The following EMID1 variants were observed in gnomAD, a reference collection of about 807,000 sequenced individuals.
The protein encoded by EMID1 is EMI domain-containing protein 1.
In EMID1, 40 loss-of-function variants were observed where a neutral mutation model predicts 60.6. The observed-to-expected ratio is 0.66, with a 90% CI of 0.51 to 0.86. EMID1 has a LOEUF of 0.86. Ranked by LOEUF, EMID1 falls within the 40% of genes least tolerant of loss-of-function variation. The pLI is 0.00. For missense variants in EMID1, 585 were observed against 597.1 expected (o/e 0.98, Z 0.21); for synonymous variants, 242 against 231.0 (o/e 1.05, Z -0.43).
At chr22:29,213,450 C>T (rs1282708401) in intron 1 of EMID1, among the ~76,000 whole-genome samples, 1 of 152,206 alleles carries the variant, frequency 6.6e-6, no homozygotes, top group Non-Finnish European at 1.5e-5. Context: ...GTTTCCTCTT[C>T]CAGCACTGAT....
At chr22:29,226,064 C>T (rs2040497010) in intron 4 of EMID1, among the ~76,000 whole-genome samples, 1 of 151,912 alleles carries the variant, frequency 6.6e-6, no homozygotes, top group Non-Finnish European at 1.5e-5. Flanking sequence ...GAGGACAAGT[C>T]ACGCGGGACA....
chr22:29,213,100 G>A (rs1416426921), intron 1 of EMID1, among the ~76,000 whole-genome samples: 3 of 152,134 alleles, frequency 2.0e-5, no homozygotes, highest in Non-Finnish European at 4.4e-5. Flanking sequence ...AATAGTTGAC[G>A]TTCTGTCTCT....
At chr22:29,231,454 C>T (rs2040740324) in intron 6 of EMID1, 139 bp from the exon 7 acceptor site, 7 of 953,758 alleles carry the variant, frequency 7.3e-6, no homozygotes, top group African/African-American at 1.6e-5. Context: ...CCCCCCCACC[C>T]CAGGGCTGCC....
intron 13 of EMID1, among the ~76,000 whole-genome samples, chr22:29,253,029 C>T (rs1427112827): frequency 3.3e-5 from 5 of 152,172 alleles, no homozygotes; most frequent in Non-Finnish European, 5.9e-5. Context: ...CCCCAGCTTA[C>T]GATGGTTCAA....
rs147376553 is a variant in EMID1, at chr22:29,218,195, G to A, written c.319+2565G>A. On this transcript the variant is annotated intron_variant, in intron 3 of 14. Coordinates refer to ENST00000334018, the MANE Select transcript of EMID1 (RefSeq NM_133455.4). ...CCGCCTACCCCATGCTGGGGATTCC[G>A]TGGCGACCTGGCAGACACAGCCCTG... is the stretch of plus-strand genomic sequence containing the variant. 1.3e-3 allele frequency among the ~76,000 whole-genome samples: 200 copies of A among 152,322 alleles called. 2 individuals are homozygous for A. Among genetic ancestry groups the A allele is most frequent in the Middle Eastern group, 6.8e-3 (2 of 294 alleles).
At chr22:29,230,817 G>A (rs1601966169) in intron 5 of EMID1, among the ~76,000 whole-genome samples, 1 of 152,206 alleles carries the variant, frequency 6.6e-6, no homozygotes, top group Non-Finnish European at 1.5e-5. Flanking sequence ...TTTGCCATGT[G>A]TGGTGGTGCA....
chr22:29,218,735 G>C (rs905949146), intron 3 of EMID1, among the ~76,000 whole-genome samples: 1 of 152,244 alleles, frequency 6.6e-6, no homozygotes, highest in Non-Finnish European at 1.5e-5. Flanking sequence ...CCTGACCCCT[G>C]AGTGCCTGGG....
intron 1 of EMID1, among the ~76,000 whole-genome samples, chr22:29,213,608 G>A (rs1423377898): frequency 6.6e-6 from 1 of 152,130 alleles, no homozygotes; most frequent in East Asian, 1.9e-4. Context: ...GTCGGCATGG[G>A]AGTCTCTGTG....
intron 3 of EMID1, among the ~76,000 whole-genome samples, chr22:29,221,354 C>CATTTTGTTTTGTTTT (rs1486331376): frequency 6.6e-6 from 1 of 152,004 alleles, no homozygotes; most frequent in Non-Finnish European, 1.5e-5. Flanking sequence ...AGGGATATGA[C>CATTTTGTTTTGTTTT]ATTTTGTTTT....
chr22:29,242,749 T>C (rs2041196655), intron 12 of EMID1, among the ~76,000 whole-genome samples: 1 of 152,230 alleles, frequency 6.6e-6, no homozygotes, highest in South Asian at 2.1e-4. Context: ...GTTTTGCTCT[T>C]AGTCCTAGGA....
chr22:29,247,563 CGTAA>C (rs1457226340), intron 13 of EMID1, among the ~76,000 whole-genome samples: 5 of 152,174 alleles, frequency 3.3e-5, no homozygotes, highest in African/African-American at 9.7e-5. Flanking sequence ...GCAACACAGT[CGTAA>C]GTATTTGTGT....
rs183747030 is a variant in EMID1 at position 29,208,902 on chromosome 22, C to T, written c.101+2763C>T. Among the ~76,000 whole-genome samples the T allele has an allele frequency of 7.9e-5, 12 of 152,328 alleles. No homozygotes were observed. The South Asian group carries it at 8.3e-4, about 11-fold the overall frequency. On this transcript the variant is annotated intron_variant, in intron 1 of 14. Transcript: ENST00000334018. ...TAAGGGATTTGAGTGAAGCTTCCCC[C>T]GCTGGAGGAAATTCTGCTGTCCCCA...
intron 13 of EMID1, among the ~76,000 whole-genome samples, chr22:29,247,418 A>G (rs1045763494): frequency 2.6e-5 from 4 of 152,222 alleles, no homozygotes; most frequent in African/African-American, 7.2e-5. Flanking sequence ...TTGTTGTGGC[A>G]TGAGCATCAT....
At position 29,237,121 on chromosome 22, in the gene EMID1, C is replaced by T. The variant is rs1281632456; in HGVS notation, c.1074+2772C>T. ...CTATTTTCTATTTGTTTTCCTTGTT[C>T]TTTGTTCCTATTTTTGTCTGCCAGA... On this transcript the variant is annotated intron_variant, in intron 12 of 14. Coordinates refer to ENST00000334018, the MANE Select transcript of EMID1 (RefSeq NM_133455.4). Among the ~76,000 whole-genome samples the T allele has an allele frequency of 1.4e-5, 2 of 146,460 alleles. 1 individual carries two copies. Among genetic ancestry groups the T allele is most frequent in the Non-Finnish European group, 3.0e-5 (2 of 67,304 alleles).
At chr22:29,232,456 C>T in intron 8 of EMID1, 54 bp downstream of exon 8, 3 of 1,482,684 alleles carry the variant, frequency 2.0e-6, no homozygotes, top group Non-Finnish European at 1.8e-6. Context: ...TAGCCATCAG[C>T]ACAGTGCCCG....
In EMID1 at chr22:29,227,409, A is replaced by T. The variant is rs144341011; in HGVS notation, c.465+858A>T. On this transcript the variant is annotated intron_variant, in intron 5 of 14. Coordinates refer to ENST00000334018, the MANE Select transcript of EMID1 (RefSeq NM_133455.4). ...TGCCATAAAACTTTTTTTTTTTTTT[A>T]AATTAAAAAGTACTGCTTGGCGCAG... 3.3e-3 allele frequency among the ~76,000 whole-genome samples: 479 copies of T among 147,094 alleles called. 3 individuals carry two copies. The highest frequency in any genetic ancestry group is 0.011 in the African/African-American group (406 of 38,634).
At chr22:29,240,524 C>T (rs560965997) in intron 12 of EMID1, among the ~76,000 whole-genome samples, 6 of 152,078 alleles carry the variant, frequency 3.9e-5, no homozygotes, top group South Asian at 2.1e-4. Flanking sequence ...TAAAACCCCT[C>T]GTGACTTGGA....
In EMID1 at chr22:29,229,643, CA is replaced by C. The variant is rs34973149; in HGVS notation, c.466-1361del. Among the ~76,000 whole-genome samples, 1,041 of 126,990 alleles carry C rather than the reference CA, an allele frequency of 8.2e-3. 10 individuals are homozygous for C. Among genetic ancestry groups the C allele is most frequent in the Non-Finnish European group, 0.011 (675 of 61,470 alleles). 83.3% of individuals were successfully genotyped at this position (126,990 alleles called of 152,430 possible). On this transcript the variant is annotated intron_variant, in intron 5 of 14. Transcript: ENST00000334018. ...GGGCAACAAGAGCAAAACTCCACCTCAAAAAAAAAAAAAAAAGAAGATGCCC... is the reference window on the plus strand; with the variant it reads ...GGGCAACAAGAGCAAAACTCCACCTCAAAAAAAAAAAAAAAGAAGATGCCC...
chr22:29,255,677 T>C (rs2041678634), intron 14 of EMID1: 1 of 241,506 alleles, frequency 4.1e-6, no homozygotes, highest in Non-Finnish European at 8.0e-6. Flanking sequence ...CCAGGTGAGC[T>C]ACACTGCAGG....
Sources: allele counts gnomAD v4.1 joint callset (sites outside exome capture counted in the v4.1 genomes callset), GRCh38; gene constraint gnomAD v4.1.1; transcripts MANE v1.5; gene names NCBI Gene and HGNC (gene_info 2026-07-23, HGNC 2026-07-21).